The following THADA variants were observed in gnomAD, a reference collection of about 807,000 sequenced individuals.
The protein encoded by THADA is tRNA (32-2'-O)-methyltransferase regulator THADA.
In THADA, 213 loss-of-function variants were observed where a neutral mutation model predicts 219.8. The observed-to-expected ratio is 0.97, with a 90% confidence interval of 0.87 to 1.09. The LOEUF (loss-of-function observed/expected upper bound fraction) is 1.09, where lower values mean the gene tolerates loss of function less well. Ranked by LOEUF, THADA falls within the 50% of genes least tolerant of loss-of-function variation. The pLI is 0.00. For synonymous variants in THADA, 1,018 were observed against 828.9 expected (o/e 1.23, Z -3.92); for missense variants, 2,956 against 2,311.3 (o/e 1.28, Z -5.72).
intron 9 of THADA, 25 bp from the exon 10 acceptor site, chr2:43,577,267 A>C (rs1699958204): frequency 2.7e-5 from 41 of 1,525,326 alleles, no homozygotes; most frequent in Non-Finnish European, 3.5e-5. Flanking sequence ...CAGAGCTAAC[A>C]CACATAAAGC....
At chr2:43,443,679 AAC>A (rs1336315018) in intron 26 of THADA, among the ~76,000 whole-genome samples, 1 of 152,270 alleles carries the variant, frequency 6.6e-6, no homozygotes, top group Non-Finnish European at 1.5e-5. Flanking sequence ...AATGGGATAA[AAC>A]AGACAGGTGA....
intron 30 of THADA, among the ~76,000 whole-genome samples, chr2:43,338,573 A>C (rs1666744770): frequency 6.6e-6 from 1 of 152,116 alleles, no homozygotes; most frequent in South Asian, 2.1e-4. Flanking sequence ...CTAGGTCTTG[A>C]CTACTCTATG....
rs925839505 is a variant in THADA, at chr2:43,385,356, C to A, written c.4227+12615G>T. ...GTGCGGTGGCTCATGCCTGTAATCC[C>A]AGCACTTTGGGAGGCCGAGGCAGGC... is the stretch of plus-strand genomic sequence containing the variant. On this transcript the variant is annotated intron_variant, in intron 29 of 37. Transcript: ENST00000405975. 1.1e-4 allele frequency among the ~76,000 whole-genome samples: 16 copies of A among 152,090 alleles called. No homozygotes were observed. The East Asian group carries it at 2.9e-3, about 28-fold the overall frequency.
chr2:43,550,390 A>T (rs1696613398), intron 19 of THADA, among the ~76,000 whole-genome samples: 1 of 152,250 alleles, frequency 6.6e-6, no homozygotes, highest in African/African-American at 2.4e-5. Flanking sequence ...AATAAATTTC[A>T]ACAGCCATGA....
In THADA at chr2:43,297,447, TG is replaced by T. The variant is rs1287659356; in HGVS notation, c.4439-4235del. Among the ~76,000 whole-genome samples the T allele has an allele frequency of 6.1e-4, 37 of 60,874 alleles. No homozygotes were observed. In the South Asian group the frequency reaches 6.2e-3, roughly 10 times the overall value. 39.9% of individuals were successfully genotyped at this position (60,874 alleles called of 152,430 possible). On this transcript the variant is annotated intron_variant, in intron 31 of 37. Coordinates refer to ENST00000405975, the MANE Select transcript of THADA (RefSeq NM_022065.5). ...GCAGCCACCCCGTCCGGGAGGGAGG[TG>T]GGGGGGGGTCAGCCCCCCGCCCGGC...
intron 20 of THADA, among the ~76,000 whole-genome samples, chr2:43,544,435 G>C (rs1176813676): frequency 1.3e-5 from 2 of 152,138 alleles, no homozygotes; most frequent in African/African-American, 4.8e-5. Context: ...GCTTGATGGG[G>C]ATGGCATTGA....
At chr2:43,353,113 AATCT>A (rs1371549157) in intron 29 of THADA, among the ~76,000 whole-genome samples, 2 of 152,120 alleles carry the variant, frequency 1.3e-5, no homozygotes, top group Admixed American at 6.5e-5. Context: ...TACTGCACAT[AATCT>A]ATCTATCTCA....
At chr2:43,429,400 C>T (rs1479770408) in intron 27 of THADA, among the ~76,000 whole-genome samples, 1 of 152,102 alleles carries the variant, frequency 6.6e-6, no homozygotes, top group Admixed American at 6.5e-5. Context: ...AGCCACCACA[C>T]CAGCCAGAAT....
chr2:43,490,303 T>C (rs1687468623), intron 25 of THADA, among the ~76,000 whole-genome samples: 1 of 152,190 alleles, frequency 6.6e-6, no homozygotes, highest in Non-Finnish European at 1.5e-5. Flanking sequence ...GTTTTGCATC[T>C]TCCTTTACTG....
At position 43,541,393 on chromosome 2, in the gene THADA, A is replaced by G. The variant is rs114312321; in HGVS notation, c.3107-77T>C. The G allele has an allele frequency of 6.0e-4, 925 of 1,546,740 alleles. 6 individuals are homozygous for G. In the African/African-American group the frequency reaches 0.011, roughly 18 times the overall value. Reference sequence around the variant, plus strand: ...GTTTCTAAAAACAAGCTTATTCATAATTTCCCCAAGAATAATCTGCTTGAA... The same window carrying G: ...GTTTCTAAAAACAAGCTTATTCATAGTTTCCCCAAGAATAATCTGCTTGAA... On this transcript the variant is annotated intron_variant, in intron 20 of 37. Transcript: ENST00000405975.
At chr2:43,244,739 C>T (rs1026284589) in intron 36 of THADA, among the ~76,000 whole-genome samples, 1 of 152,218 alleles carries the variant, frequency 6.6e-6, no homozygotes, top group Admixed American at 6.5e-5. Flanking sequence ...AAAGCCAGTC[C>T]CTCCACAGCA....
intron 22 of THADA, among the ~76,000 whole-genome samples, chr2:43,519,591 G>A (rs187188845): frequency 5.9e-5 from 9 of 152,204 alleles, no homozygotes; most frequent in Admixed American, 5.2e-4. Context: ...ACAGTTATAT[G>A]TTTCCTATTT....
chr2:43,260,579 A>C (rs1280832741), intron 36 of THADA, among the ~76,000 whole-genome samples: 2 of 152,196 alleles, frequency 1.3e-5, no homozygotes, highest in African/African-American at 4.8e-5. Context: ...CATCTACTGA[A>C]ATCTTGATTG....
chr2:43,371,442 T>C (rs1300997136), intron 29 of THADA, among the ~76,000 whole-genome samples: 2 of 152,218 alleles, frequency 1.3e-5, no homozygotes, highest in African/African-American at 4.8e-5. Flanking sequence ...TAATAGTAGA[T>C]ACTGATTTTT....
intron 31 of THADA, among the ~76,000 whole-genome samples, chr2:43,314,987 C>T (rs902356926): frequency 2.6e-5 from 4 of 152,186 alleles, no homozygotes; most frequent in African/African-American, 9.7e-5. Flanking sequence ...TCTTCTCTGC[C>T]TTTCTCCTTC....
chr2:43,424,542 A>G (rs535467376), intron 28 of THADA, among the ~76,000 whole-genome samples: 1 of 152,314 alleles, frequency 6.6e-6, no homozygotes, highest in South Asian at 2.1e-4. Flanking sequence ...TCAGAACCAC[A>G]AGCACTGCCT....
At chr2:43,375,035 C>T (rs1034717518) in intron 29 of THADA, among the ~76,000 whole-genome samples, 1 of 151,322 alleles carries the variant, frequency 6.6e-6, no homozygotes, top group East Asian at 1.9e-4. Flanking sequence ...AATAAATGGT[C>T]GTGGACCAAA....
intron 26 of THADA, among the ~76,000 whole-genome samples, chr2:43,466,449 C>G (rs567392739): frequency 6.6e-6 from 1 of 152,184 alleles, no homozygotes; most frequent in Non-Finnish European, 1.5e-5. Context: ...CATCCCTACT[C>G]TGTGTGTCCA....
At chr2:43,541,438 TATATTTAC>T (rs1695298639) in intron 20 of THADA, 122 bp from the exon 21 acceptor site, 2 of 1,089,268 alleles carry the variant, frequency 1.8e-6, no homozygotes, top group Admixed American at 4.3e-5. Flanking sequence ...TTTGTCATGT[TATATTTAC>T]TCAGAAGGAA....
Sources: allele counts gnomAD v4.1 joint callset (sites outside exome capture counted in the v4.1 genomes callset), GRCh38; gene constraint gnomAD v4.1.1; transcripts MANE v1.5; gene names NCBI Gene and HGNC (gene_info 2026-07-23, HGNC 2026-07-21).